PRKG1: variants seen among roughly 807,000 people sequenced by gnomAD.
PRKG1 encodes the protein cGMP-dependent protein kinase 1.
In PRKG1, 35 loss-of-function variants were observed where a neutral mutation model predicts 88.1. The observed-to-expected ratio is 0.40, with a 90% CI of 0.30 to 0.53. PRKG1 has a LOEUF of 0.53. Ranked by LOEUF, PRKG1 falls within the 20% of genes least tolerant of loss-of-function variation. The pLI is 0.59. For synonymous variants in PRKG1, 303 were observed against 292.5 expected, an observed-to-expected ratio of 1.04 and a Z score of -0.37; for missense variants, 540 against 839.8, an observed-to-expected ratio of 0.64 and a Z score of 4.41.
chr10:51,991,505 T>C (rs184337711), intron 5 of PRKG1, among the ~76,000 whole-genome samples: 112 of 152,268 alleles, frequency 7.4e-4, no homozygotes, highest in African/African-American at 2.5e-3. Flanking sequence ...ACATTAGGTA[T>C]ATCTCCTAAA....
intron 9 of PRKG1, among the ~76,000 whole-genome samples, chr10:52,167,836 T>C (rs1210701288): frequency 6.6e-6 from 1 of 152,180 alleles, no homozygotes; most frequent in Non-Finnish European, 1.5e-5. Flanking sequence ...CTGACAACTA[T>C]ATGACTATAG....
chr10:51,329,971 G>A (rs898378595), intron 2 of PRKG1, among the ~76,000 whole-genome samples: 13 of 138,524 alleles, frequency 9.4e-5, no homozygotes, highest in African/African-American at 3.5e-4. Context: ...GGAGACTTTT[G>A]GCCTTGTACT....
chr10:51,675,046 T>C (rs1372584251), intron 3 of PRKG1, among the ~76,000 whole-genome samples: 3 of 152,194 alleles, frequency 2.0e-5, no homozygotes, highest in Middle Eastern at 3.2e-3. Context: ...TACTAATATA[T>C]TTCTGCTTTA....
chr10:51,929,996 TG>T (rs1842655515), intron 5 of PRKG1, among the ~76,000 whole-genome samples: 1 of 152,186 alleles, frequency 6.6e-6, no homozygotes, highest in Non-Finnish European at 1.5e-5. Flanking sequence ...TCAGAGGTAC[TG>T]GAAGAAAAGA....
intron 3 of PRKG1, among the ~76,000 whole-genome samples, chr10:51,790,711 A>T (rs61850000): frequency 6.6e-6 from 1 of 152,184 alleles, no homozygotes; most frequent in Non-Finnish European, 1.5e-5. Context: ...CTTTTGATGT[A>T]GAGTCTGTCT....
chr10:51,367,217 C>G (rs745328678), intron 2 of PRKG1, among the ~76,000 whole-genome samples: 13 of 152,012 alleles, frequency 8.6e-5, no homozygotes, highest in Admixed American at 2.0e-4. Context: ...AGTTATGCTG[C>G]ACGTATCCAA....
chr10:51,600,429 C>T (rs531310650), intron 3 of PRKG1, among the ~76,000 whole-genome samples: 2 of 152,232 alleles, frequency 1.3e-5, no homozygotes, highest in African/African-American at 4.8e-5. Context: ...AACTCTGTCA[C>T]AATTAGCAAT....
intron 9 of PRKG1, among the ~76,000 whole-genome samples, chr10:52,215,740 G>A (rs1031616807): frequency 2.6e-5 from 4 of 152,124 alleles, no homozygotes; most frequent in Admixed American, 6.6e-5. Context: ...TAATAGTAAT[G>A]TTAGAAACAT....
chr10:52,273,562 A>G (rs1257721497), intron 12 of PRKG1, among the ~76,000 whole-genome samples: 1 of 152,066 alleles, frequency 6.6e-6, no homozygotes. Flanking sequence ...TGGTGTTCTT[A>G]TGGTACCTTC....
At chr10:51,336,559 T>C (rs1264818724) in intron 2 of PRKG1, among the ~76,000 whole-genome samples, 3 of 152,138 alleles carry the variant, frequency 2.0e-5, no homozygotes, top group African/African-American at 7.2e-5. Flanking sequence ...GCCCTCAACC[T>C]CAAAATCCTT....
At position 51,658,819 on chromosome 10, in the gene PRKG1, ACT is replaced by A. The variant is rs1221575571; in HGVS notation, c.593-145764_593-145763del. ...GTCTCCTTGAAATATTAGCAGAAAAACTCCCAGTTTTCTCTTTCCCAGGACAC... is the reference window on the plus strand; with the variant it reads ...GTCTCCTTGAAATATTAGCAGAAAAACCCAGTTTTCTCTTTCCCAGGACAC... On this transcript the variant is annotated intron_variant, in intron 3 of 17. Coordinates refer to ENST00000373980, the MANE Select transcript of PRKG1 (RefSeq NM_006258.4). Among the ~76,000 whole-genome samples the A allele has an allele frequency of 3.3e-5, 5 of 150,488 alleles. No individual in the cohort carries two copies. In the East Asian group the frequency reaches 7.8e-4, roughly 23 times the overall value.
intron 7 of PRKG1, among the ~76,000 whole-genome samples, chr10:52,074,036 G>GTTT (rs1436997652): frequency 6.6e-6 from 1 of 152,012 alleles, no homozygotes; most frequent in Non-Finnish European, 1.5e-5. Context: ...AAAAATTATT[G>GTTT]TTGCTGTTGT....
At chr10:51,631,027 A>C (rs770593622) in intron 3 of PRKG1, among the ~76,000 whole-genome samples, 2 of 152,180 alleles carry the variant, frequency 1.3e-5, no homozygotes. Flanking sequence ...AGCAGTTTTG[A>C]AGGCTTCATG....
chr10:52,196,002 ATGTTTTT>A (rs544025368), intron 9 of PRKG1, among the ~76,000 whole-genome samples: 38 of 152,012 alleles, frequency 2.5e-4, no homozygotes, highest in East Asian at 2.3e-3. Flanking sequence ...ATGCAAAAAA[ATGTTTTT>A]TGTTTTTTGT....
chr10:52,069,950 AT>A (rs1440094296), intron 7 of PRKG1, among the ~76,000 whole-genome samples: 1 of 81,942 alleles, frequency 1.2e-5, no homozygotes, highest in Non-Finnish European at 2.8e-5. Context: ...TTTAATGATT[AT>A]AACCTTTATA....
intron 1 of PRKG1, among the ~76,000 whole-genome samples, chr10:51,089,270 T>TACAA (rs1844340454): frequency 2.0e-5 from 3 of 152,222 alleles, no homozygotes; most frequent in African/African-American, 4.8e-5. Flanking sequence ...ATAGACTGAT[T>TACAA]GCTAATAAAT....
intron 3 of PRKG1, among the ~76,000 whole-genome samples, chr10:51,548,145 C>T (rs1842486567): frequency 6.6e-6 from 1 of 152,040 alleles, no homozygotes; most frequent in Non-Finnish European, 1.5e-5. Context: ...GTTCCAGAAG[C>T]TGATGCCCCA....
intron 9 of PRKG1, among the ~76,000 whole-genome samples, chr10:52,184,418 G>T (rs908563537): frequency 2.0e-5 from 3 of 152,078 alleles, no homozygotes; most frequent in Non-Finnish European, 4.4e-5. Context: ...TTTCCTTCTA[G>T]ATGTACCAGT....
At chr10:51,932,481 G>A (rs185125502) in intron 5 of PRKG1, among the ~76,000 whole-genome samples, 1,915 of 152,162 alleles carry the variant, frequency 0.013, 21 homozygotes, top group Non-Finnish European at 0.019. Context: ...AGACAAACTT[G>A]GCCAAGAACA....
Sources: allele counts gnomAD v4.1 joint callset (sites outside exome capture counted in the v4.1 genomes callset), GRCh38; gene constraint gnomAD v4.1.1; transcripts MANE v1.5; gene names NCBI Gene and HGNC (gene_info 2026-07-23, HGNC 2026-07-21).